The following PRKN variants were observed in gnomAD, a reference collection of about 807,000 sequenced individuals.
The protein encoded by PRKN is E3 ubiquitin-protein ligase parkin.
PRKN carries 56 observed loss-of-function variants against 59.5 expected under a neutral mutation model. The observed-to-expected ratio is 0.94, with a 90% confidence interval of 0.76 to 1.18. The LOEUF is 1.18. Among genes scored for constraint, PRKN ranks in the 50% most tolerant of loss-of-function variants. The pLI, the probability that PRKN is intolerant of heterozygous loss-of-function variation, is 0.00. For synonymous variants in PRKN, 250 were observed against 222.1 expected, an observed-to-expected ratio of 1.13 and a Z score of -1.12; for missense variants, 657 against 596.4, an observed-to-expected ratio of 1.10 and a Z score of -1.06.
intron 1 of PRKN, among the ~76,000 whole-genome samples, chr6:162,448,255 T>C (rs763848904): frequency 1.8e-4 from 27 of 152,118 alleles, no homozygotes; most frequent in Admixed American, 2.6e-4. Flanking sequence ...AAGTTTCTTC[T>C]GCACCTTTGA....
chr6:162,166,784 G>A (rs1196508127), intron 4 of PRKN, among the ~76,000 whole-genome samples: 1 of 152,136 alleles, frequency 6.6e-6, no homozygotes, highest in African/African-American at 2.4e-5. Flanking sequence ...GTAGACAGAT[G>A]CTCTAGCTTC....
chr6:162,107,585 A>C (rs75241152), intron 4 of PRKN, among the ~76,000 whole-genome samples: 20,170 of 152,296 alleles, frequency 0.13, 1,419 homozygotes, highest in Middle Eastern at 0.24. Context: ...AGCATGGCCC[A>C]GTCAGCAACT....
intron 1 of PRKN, among the ~76,000 whole-genome samples, chr6:162,584,945 C>T (rs910384659): frequency 6.9e-5 from 10 of 144,580 alleles, no homozygotes; most frequent in Admixed American, 2.8e-4. Flanking sequence ...CTCACTCTGT[C>T]GCCCAGGCTG....
rs1333151061 is a variant in PRKN at position 161,429,217 on chromosome 6, T to C, written c.1084-42340A>G. Among the ~76,000 whole-genome samples the C allele has an allele frequency of 6.6e-6, 1 of 152,234 alleles. No individual in the cohort carries two copies. Among genetic ancestry groups the C allele is most frequent in the Non-Finnish European group, 1.5e-5 (1 of 68,044 alleles). The stretch of plus-strand genomic sequence containing the variant: ...TATTCTTGCTCATTTACTCATTTAT[T>C]CATTTATAGATTTACCCAGCAAATA... On this transcript the variant is annotated intron_variant, in intron 9 of 11. Coordinates refer to ENST00000366898, the MANE Select transcript of PRKN (RefSeq NM_004562.3). This position sits in a 1 kb window ranked among gnomAD's most constrained non-coding sequence, Gnocchi z 4.2.
At chr6:161,494,738 G>T (rs1472718201) in intron 9 of PRKN, among the ~76,000 whole-genome samples, 1 of 152,230 alleles carries the variant, frequency 6.6e-6, no homozygotes, top group East Asian at 1.9e-4. Flanking sequence ...TACGGGCAAA[G>T]AAATGGGCTG....
Position 161,876,286 on chromosome 6 carries a change from T to C in PRKN, c.735-90378A>G, listed in dbSNP as rs11966260. Among the ~76,000 whole-genome samples, 705 of 152,306 alleles carry C rather than the reference T, an allele frequency of 4.6e-3. 7 individuals are homozygous for C. Among genetic ancestry groups the C allele is most frequent in the Middle Eastern group, 0.024 (7 of 294 alleles). ...TTATTGTCTTTCCATTTTTTGTTTT[T>C]TGGATGCCAATAATTTTTTACTCAT... On this transcript the variant is annotated intron_variant, in intron 6 of 11. Transcript: ENST00000366898.
intron 2 of PRKN, among the ~76,000 whole-genome samples, chr6:162,434,277 T>G (rs1471577730): frequency 3.3e-5 from 5 of 152,226 alleles, no homozygotes; most frequent in Non-Finnish European, 7.4e-5. Flanking sequence ...TTATAAATCA[T>G]GGGCTTGCCC....
At chr6:162,219,845 C>T (rs978348549) in intron 3 of PRKN, among the ~76,000 whole-genome samples, 4 of 152,064 alleles carry the variant, frequency 2.6e-5, no homozygotes, top group Admixed American at 1.3e-4. Flanking sequence ...AAATAAAATA[C>T]CCTTGCCAGG....
At chr6:162,133,887 G>C (rs1451450608) in intron 4 of PRKN, among the ~76,000 whole-genome samples, 2 of 152,110 alleles carry the variant, frequency 1.3e-5, no homozygotes, top group Non-Finnish European at 2.9e-5. Flanking sequence ...AGAGTGGGAG[G>C]TGAGCATGGA....
intron 1 of PRKN, among the ~76,000 whole-genome samples, chr6:162,708,743 C>T (rs1778421496): frequency 6.6e-6 from 1 of 152,228 alleles, no homozygotes; most frequent in African/African-American, 2.4e-5. Flanking sequence ...TCTGCCCTGA[C>T]ATAGAGTCAG....
chr6:161,859,650 T>G (rs890165832), intron 6 of PRKN, among the ~76,000 whole-genome samples: 8 of 151,040 alleles, frequency 5.3e-5, no homozygotes, highest in Non-Finnish European at 7.4e-5. Flanking sequence ...ATTTCTTGTA[T>G]GTCTTGTGAC....
At chr6:162,602,314 CAG>C (rs1781744214) in intron 1 of PRKN, among the ~76,000 whole-genome samples, 1 of 152,218 alleles carries the variant, frequency 6.6e-6, no homozygotes, top group Middle Eastern at 3.4e-3. Flanking sequence ...TTCAGGCAAA[CAG>C]AGTGTCATGA....
At chr6:161,650,639 T>C (rs958217428) in intron 7 of PRKN, among the ~76,000 whole-genome samples, 1 of 152,200 alleles carries the variant, frequency 6.6e-6, no homozygotes, top group Non-Finnish European at 1.5e-5. Flanking sequence ...TAACCTCTTT[T>C]GGTACTCGGC....
At chr6:161,534,440 G>A (rs1779336597) in intron 9 of PRKN, among the ~76,000 whole-genome samples, 1 of 152,332 alleles carries the variant, frequency 6.6e-6, no homozygotes, top group South Asian at 2.1e-4. Context: ...ATAGAAGGCA[G>A]CTCCTGCTCA....
chr6:161,803,187 G>T (rs145437653), intron 6 of PRKN, among the ~76,000 whole-genome samples: 7 of 152,274 alleles, frequency 4.6e-5, no homozygotes, highest in African/African-American at 9.6e-5. Flanking sequence ...GCCTCTGCTG[G>T]TTCAACCCAA....
intron 3 of PRKN, among the ~76,000 whole-genome samples, chr6:162,238,587 C>T (rs1218407137): frequency 6.6e-6 from 1 of 152,138 alleles, no homozygotes; most frequent in African/African-American, 2.4e-5. Flanking sequence ...GAAAAGGAGC[C>T]AAGACCCTGG....
intron 7 of PRKN, among the ~76,000 whole-genome samples, chr6:161,740,221 A>C (rs1788131707): frequency 6.6e-6 from 1 of 152,256 alleles, no homozygotes; most frequent in African/African-American, 2.4e-5. Context: ...AAATATTAAA[A>C]ATAGCACCTG....
chr6:162,011,476 ATATAT>A lies in PRKN; in HGVS notation c.619-38064_619-38060del, dbSNP rs1333344216. On this transcript the variant is annotated intron_variant, in intron 5 of 11. Coordinates refer to ENST00000366898, the MANE Select transcript of PRKN (RefSeq NM_004562.3). Reference sequence around the variant, plus strand: ...TATAATATATATATTATAATATATAATATATTATAATATATATAATATATATTTAT... The same window carrying A: ...TATAATATATATATTATAATATATAATATAATATATATAATATATATTTAT... 1.5e-4 allele frequency among the ~76,000 whole-genome samples: 6 copies of A among 40,732 alleles called. 1 individual carries two copies. Among genetic ancestry groups the A allele is most frequent in the African/African-American group, 8.2e-4 (5 of 6,130 alleles). 26.7% of individuals were successfully genotyped at this position (40,732 alleles called of 152,430 possible).
chr6:161,418,658 T>C (rs1787959569), intron 9 of PRKN, among the ~76,000 whole-genome samples: 1 of 152,210 alleles, frequency 6.6e-6, no homozygotes, highest in Non-Finnish European at 1.5e-5. Flanking sequence ...GCATGTTTTC[T>C]GGAAATAAAA....
Sources: allele counts gnomAD v4.1 joint callset (sites outside exome capture counted in the v4.1 genomes callset), GRCh38; gene constraint gnomAD v4.1.1; non-coding constraint Gnocchi (gnomAD v3.1); transcripts MANE v1.5; gene names NCBI Gene and HGNC (gene_info 2026-07-23, HGNC 2026-07-21).